The following CASP10 variants were observed in gnomAD, a reference collection of about 807,000 sequenced individuals.
CASP10 encodes the protein caspase 10.
CASP10 carries 41 observed loss-of-function variants against 48.5 expected under a neutral mutation model. The ratio of observed to expected loss-of-function variants is 0.85; its 90% confidence interval spans 0.66 to 1.10. The LOEUF (loss-of-function observed/expected upper bound fraction) is 1.10, where lower values mean the gene tolerates loss of function less well. Ranked by LOEUF, CASP10 falls within the 50% of genes least tolerant of loss-of-function variation. The pLI, the probability that CASP10 is intolerant of heterozygous loss-of-function variation, is 0.00. For missense variants in CASP10, 614 were observed against 614.5 expected, an observed-to-expected ratio of 1.00 and a Z score of 0.01; for synonymous variants, 232 against 238.4, an observed-to-expected ratio of 0.97 and a Z score of 0.25.
At chr2:201,223,429 AC>A (rs1303318475), downstream of CASP10, among the ~76,000 whole-genome samples, 2 of 152,218 alleles carry the variant, frequency 1.3e-5, no homozygotes, top group East Asian at 3.8e-4. Context: ...TAAGTGACTT[AC>A]TGAAGCCTCG....
At chr2:201,223,837 A>C (rs1480868123), downstream of CASP10, among the ~76,000 whole-genome samples, 1 of 152,278 alleles carries the variant, frequency 6.6e-6, no homozygotes, top group East Asian at 1.9e-4. Context: ...TCACTGTGTC[A>C]CCCAGGCTGG....
rs539773196 is a variant in CASP10, at chr2:201,187,720, A to G, written c.362A>G (p.Glu121Gly). ...RVSLFRNLLY[E>G]LSEGIDSENL... The stretch of plus-strand genomic sequence containing the variant: ...GTGTGTCTTAGAAACCTGCTCTACG[A>G]ACTGTCAGAAGGCATTGACTCAGAG... Residue 121 changes from glutamate to glycine, a missense_variant, in exon 3 of 10, where the codon GAA (glutamate) becomes GGA (glycine). Physicochemically the swap from Glu to Gly is moderately conservative, Grantham distance 98. Transcript: ENST00000286186. 1 of 1,613,936 alleles carries G rather than the reference A, an allele frequency of 6.2e-7. No homozygotes were observed. Among genetic ancestry groups the G allele is most frequent in the South Asian group, 1.1e-5 (1 of 91,078 alleles).
In CASP10 at chr2:201,209,114, A is replaced by G. The variant is rs1473692849; in HGVS notation, c.967A>G (p.Ile323Val). Residue 323 changes from isoleucine (I) to valine (V), a missense_variant, in exon 9 of 10, where the codon ATA becomes GTA. Physicochemically the swap from Ile to Val is conservative, Grantham distance 29 (BLOSUM62 3). Transcript: ENST00000286186. ...VFQWLGFTVH[I>V]HNNVTKVEME... ...CCAGTGGCTTGGGTTCACAGTGCAT[A>G]TACACAATAATGTGACGAAAGTGGA... is the stretch of plus-strand genomic sequence containing the variant. 2 of 1,606,714 alleles carry G rather than the reference A, an allele frequency of 1.2e-6. No homozygotes were observed. The highest frequency in any genetic ancestry group is 1.7e-6 in the Non-Finnish European group (2 of 1,178,504).
intron 5 of CASP10, among the ~76,000 whole-genome samples, chr2:201,200,098 G>T (rs548778819): frequency 1.3e-5 from 2 of 152,210 alleles, no homozygotes; most frequent in Middle Eastern, 3.4e-3. Flanking sequence ...ATCCCATCTG[G>T]AAATACGTCA....
chr2:201,217,646 G>C lies in CASP10; in HGVS notation c.1474G>C (p.Asp492His). 6.2e-7 allele frequency: 1 copy of C among 1,614,140 alleles called. No individual in the cohort carries two copies. The highest frequency in any genetic ancestry group is 1.6e-4 in the Middle Eastern group (1 of 6,062). ...CAACGATGATGTGAGTCGAAGAGTGGACAAACAGGGAACAAAGAAACAGAT... is the reference window on the plus strand; with the variant it reads ...CAACGATGATGTGAGTCGAAGAGTGCACAAACAGGGAACAAAGAAACAGAT... ...AVNDDVSRRV[D>H]KQGTKKQMPQ... The change falls in exon 10 of 10, where the codon GAC becomes CAC. Residue 492 changes from aspartate to histidine, a missense_variant. Physicochemically the swap from Asp to His is moderately conservative, Grantham distance 81. Transcript: ENST00000286186.
intron 1 of CASP10, among the ~76,000 whole-genome samples, chr2:201,185,069 G>C (rs1484235565): frequency 6.6e-6 from 1 of 152,012 alleles, no homozygotes; most frequent in Non-Finnish European, 1.5e-5. Flanking sequence ...ATGGCTCACT[G>C]CAACCTGTGC....
intron 3 of CASP10, among the ~76,000 whole-genome samples, chr2:201,192,638 G>A (rs149861518): frequency 6.6e-6 from 1 of 152,100 alleles, no homozygotes; most frequent in African/African-American, 2.4e-5. Flanking sequence ...TTAGCTTTGT[G>A]ACCTTCGGCA....
intron 9 of CASP10, among the ~76,000 whole-genome samples, chr2:201,227,087 CA>C (rs776591862): frequency 2.0e-5 from 3 of 151,652 alleles, no homozygotes; most frequent in East Asian, 1.9e-4. Context: ...CTTGGGGGGA[CA>C]GGGGGGAACA....
At position 201,210,497 on chromosome 2, in the gene CASP10, G is replaced by A. The variant is rs41439650; in HGVS notation, c.1415+935G>A. On this transcript the variant is annotated intron_variant, in intron 9 of 9. Transcript: ENST00000286186. ...AGCCCTTGGACCTCACATTCAGCAT[G>A]CATGTTTCTGAGCTCATCTTCCCAG... 8.1e-3 allele frequency among the ~76,000 whole-genome samples: 1,236 copies of A among 152,316 alleles called. 24 individuals are homozygous for A. The highest frequency in any genetic ancestry group is 0.029 in the African/African-American group (1,196 of 41,560).
chr2:201,190,964 T>C (rs1314346553), intron 3 of CASP10, among the ~76,000 whole-genome samples: 2 of 151,840 alleles, frequency 1.3e-5, no homozygotes, highest in African/African-American at 4.8e-5. Flanking sequence ...TGGGTTCAAG[T>C]GATCCTCCTG....
At chr2:201,222,095 C>T (rs771262440), downstream of CASP10, among the ~76,000 whole-genome samples, 1 of 152,060 alleles carries the variant, frequency 6.6e-6, no homozygotes, top group Non-Finnish European at 1.5e-5. Context: ...TCATTGTATG[C>T]CAAGATGTTT....
downstream of CASP10, among the ~76,000 whole-genome samples, chr2:201,224,539 G>A (rs1390195888): frequency 6.6e-6 from 1 of 152,086 alleles, no homozygotes; most frequent in Non-Finnish European, 1.5e-5. Flanking sequence ...AAAATTAAAG[G>A]TGTTCAAGAA....
intron 8 of CASP10, 28 bp from the exon 9 acceptor site, chr2:201,209,035 CTCTCTCT>C: frequency 6.4e-7 from 1 of 1,555,904 alleles, no homozygotes; most frequent in Non-Finnish European, 8.8e-7. Flanking sequence ...TTCTCTCTCT[CTCTCTCT>C]TTTTTTTTTT....
At chr2:201,191,659 A>G (rs1944615694) in intron 3 of CASP10, among the ~76,000 whole-genome samples, 1 of 152,244 alleles carries the variant, frequency 6.6e-6, no homozygotes, top group African/African-American at 2.4e-5. Flanking sequence ...CCCTCAGCCA[A>G]AACGGAAAGG....
At chr2:201,227,006 T>C (rs1447002925) in intron 9 of CASP10, among the ~76,000 whole-genome samples, 1 of 152,194 alleles carries the variant, frequency 6.6e-6, no homozygotes, top group East Asian at 1.9e-4. Flanking sequence ...AATATGTATA[T>C]TGTACAAATA....
rs779317878 is a variant in CASP10, at chr2:201,209,304, G to A, written c.1157G>A (p.Cys386Tyr). Residue 386 changes from cysteine (C) to tyrosine (Y), a missense_variant, in exon 9 of 10, where the codon TGC (cysteine) becomes TAC (tyrosine). Transcript: ENST00000286186. Reference protein sequence around the residue: ...EIMSHFTALQCPRLAEKPKLF... With the variant: ...EIMSHFTALQYPRLAEKPKLF... The stretch of plus-strand genomic sequence containing the variant: ...ATGTCTCACTTCACAGCCCTGCAGT[G>A]CCCTAGACTGGCTGAAAAACCTAAA... 3.1e-6 allele frequency: 5 copies of A among 1,614,118 alleles called. No homozygotes were observed. Among genetic ancestry groups the A allele is most frequent in the Non-Finnish European group, 4.2e-6 (5 of 1,180,024 alleles).
chr2:201,195,461 T>C (rs1419275182), intron 4 of CASP10, among the ~76,000 whole-genome samples: 1 of 152,160 alleles, frequency 6.6e-6, no homozygotes, highest in Admixed American at 6.5e-5. Flanking sequence ...GTGTCAATCA[T>C]TATTGATATT....
intron 7 of CASP10, among the ~76,000 whole-genome samples, chr2:201,207,872 G>T (rs1466835252): frequency 1.3e-5 from 2 of 152,016 alleles, no homozygotes; most frequent in Non-Finnish European, 2.9e-5. Context: ...CTCCAGCCTG[G>T]GCAACAAGAG....
chr2:201,225,837 A>C (rs1482106512), downstream of CASP10, among the ~76,000 whole-genome samples: 3 of 152,134 alleles, frequency 2.0e-5, no homozygotes, highest in Non-Finnish European at 4.4e-5. Flanking sequence ...ATGGTGGCGC[A>C]CACCTGTGAT....
Sources: gnomAD v4.1 joint callset for allele counts (sites outside exome capture counted in the v4.1 genomes callset) on GRCh38, gnomAD v4.1.1 for gene constraint, MANE v1.5 for transcripts, NCBI Gene and HGNC (gene_info 2026-07-23, HGNC 2026-07-21) for gene names.